Variants in KCNJ6 observed in about 807,000 individuals in gnomAD.
The protein encoded by KCNJ6 is G protein-activated inward rectifier potassium channel 2.
A neutral mutation model predicts 34.2 loss-of-function variants in KCNJ6; 9 were observed. The observed-to-expected ratio is 0.26, with a 90% CI of 0.16 to 0.46. The LOEUF (loss-of-function observed/expected upper bound fraction) is 0.46. Among genes scored for constraint, KCNJ6 ranks in the 20% least tolerant of loss-of-function variants. The pLI is 1.00. For missense variants in KCNJ6, 236 were observed against 531.3 expected (o/e 0.44, Z 5.46); for synonymous variants, 196 against 207.1 (o/e 0.95, Z 0.46).
intron 3 of KCNJ6, among the ~76,000 whole-genome samples, chr21:37,647,782 C>T (rs1473654749): frequency 6.6e-6 from 1 of 152,212 alleles, no homozygotes; most frequent in Non-Finnish European, 1.5e-5. Flanking sequence ...TGACAGGGTG[C>T]TTCCTCATGT....
intron 3 of KCNJ6, among the ~76,000 whole-genome samples, chr21:37,688,100 A>G (rs922026055): frequency 6.6e-6 from 1 of 151,696 alleles, no homozygotes; most frequent in Non-Finnish European, 1.5e-5. Flanking sequence ...CTGATTTTTA[A>G]AGAGCTTGGC....
At chr21:37,761,391 A>AGTGTGTGTGTATATTTGTGTATGTG (rs1568838754) in intron 2 of KCNJ6, among the ~76,000 whole-genome samples, 2 of 141,414 alleles carry the variant, frequency 1.4e-5, no homozygotes, top group Admixed American at 1.4e-4. Flanking sequence ...TGTTGTATGT[A>AGTGTGTGTGTATATTTGTGTATGTG]GTGTGTGTGT....
At chr21:37,832,368 G>A (rs1055516348) in intron 2 of KCNJ6, among the ~76,000 whole-genome samples, 2 of 151,816 alleles carry the variant, frequency 1.3e-5, no homozygotes, top group African/African-American at 4.8e-5. Flanking sequence ...GACCATATAC[G>A]ATGAACAGCT....
chr21:37,659,623 C>T (rs1351652777), intron 3 of KCNJ6, among the ~76,000 whole-genome samples: 3 of 152,230 alleles, frequency 2.0e-5, no homozygotes, highest in South Asian at 2.1e-4. Context: ...CAGATCCCCC[C>T]GACCTGGGGT....
chr21:37,661,105 T>C (rs2054486264), intron 3 of KCNJ6, among the ~76,000 whole-genome samples: 1 of 152,270 alleles, frequency 6.6e-6, no homozygotes, highest in Non-Finnish European at 1.5e-5. Context: ...TCTATGTTTC[T>C]GAAATTTTCA....
chr21:37,761,692 T>C (rs1010348023), intron 2 of KCNJ6, among the ~76,000 whole-genome samples: 4 of 150,146 alleles, frequency 2.7e-5, no homozygotes, highest in Non-Finnish European at 5.9e-5. Flanking sequence ...TTTGCGTGTG[T>C]GTTGTATGTA....
intron 1 of KCNJ6, among the ~76,000 whole-genome samples, chr21:37,842,522 G>T (rs2123580204): frequency 6.6e-6 from 1 of 152,332 alleles, no homozygotes; most frequent in African/African-American, 2.4e-5. Context: ...TCAGCACGCT[G>T]CCTCTTACTT....
chr21:37,707,733 G>GTGTGTGTGTGTGTGTGTATA (rs1237113944), intron 3 of KCNJ6, among the ~76,000 whole-genome samples: 1 of 149,898 alleles, frequency 6.7e-6, no homozygotes, highest in Non-Finnish European at 1.5e-5. Context: ...ATGTGTGTGT[G>GTGTGTGTGTGTGTGTGTATA]TGAATAATTT....
At chr21:37,657,670 C>G (rs2123394907) in intron 3 of KCNJ6, among the ~76,000 whole-genome samples, 1 of 152,324 alleles carries the variant, frequency 6.6e-6, no homozygotes, top group South Asian at 2.1e-4. Context: ...GTGCCCCTCA[C>G]TTTCTGGACT....
rs1216248974 is a variant in KCNJ6 at position 37,612,169 on chromosome 21, G to A, written c.*12990C>T. The A allele has an allele frequency of 6.6e-6, 1 of 152,156 alleles. No homozygotes were observed. Among genetic ancestry groups the A allele is most frequent in the African/African-American group, 2.4e-5 (1 of 41,462 alleles). 9.4% of individuals were successfully genotyped at this position (152,156 alleles called of 1,614,324 possible). A position where few individuals can be genotyped will look rare whatever the true frequency, so the allele number is the denominator to read the frequency against. ...ATAAGGGATTATAGCAAGATTTTAG[G>A]ATTCAAAGTTAATATACAAAGTCAA... On this transcript the variant is annotated 3_prime_UTR_variant, in exon 4 of 4. Transcript: ENST00000609713.
At chr21:37,721,925 A>C (rs1443226520) in intron 2 of KCNJ6, among the ~76,000 whole-genome samples, 1 of 152,220 alleles carries the variant, frequency 6.6e-6, no homozygotes, top group Non-Finnish European at 1.5e-5. Context: ...TCTGAAAAGC[A>C]AGCACAGGAA....
intron 3 of KCNJ6, among the ~76,000 whole-genome samples, chr21:37,667,186 T>TAAAAAAAAAAAAA (rs1569441641): frequency 1.4e-3 from 120 of 86,800 alleles, no homozygotes; most frequent in Non-Finnish European, 2.0e-3. Flanking sequence ...AAAAAAAAAT[T>TAAAAAAAAAAAAA]AAATGAGGCA....
intron 2 of KCNJ6, among the ~76,000 whole-genome samples, chr21:37,719,860 G>T (rs978412246): frequency 2.6e-5 from 4 of 152,202 alleles, no homozygotes; most frequent in Admixed American, 2.0e-4. Context: ...AGCTCTTGTT[G>T]CAGGGAAGCC....
At chr21:37,870,565 A>T (rs1286152501) in intron 1 of KCNJ6, among the ~76,000 whole-genome samples, 1 of 147,086 alleles carries the variant, frequency 6.8e-6, no homozygotes, top group African/African-American at 2.6e-5. Context: ...ACAGTACATT[A>T]AAAATACTTA....
chr21:37,805,828 G>A (rs1311744310), intron 2 of KCNJ6, among the ~76,000 whole-genome samples: 1 of 152,192 alleles, frequency 6.6e-6, no homozygotes, highest in Non-Finnish European at 1.5e-5. Context: ...GCGTCTGCAA[G>A]CCAAGGAATG....
intron 3 of KCNJ6, among the ~76,000 whole-genome samples, chr21:37,654,177 C>T (rs930878032): frequency 4.9e-5 from 7 of 143,768 alleles, no homozygotes; most frequent in African/African-American, 1.8e-4. Flanking sequence ...CACAGTGGCT[C>T]GTTTGTTAGT....
intron 1 of KCNJ6, among the ~76,000 whole-genome samples, chr21:37,863,974 A>C (rs2055608989): frequency 6.6e-6 from 1 of 151,324 alleles, no homozygotes; most frequent in Non-Finnish European, 1.5e-5. Context: ...CCATATGAAA[A>C]TATCAGCTTT....
At chr21:37,881,910 G>A (rs781142434) in intron 1 of KCNJ6, among the ~76,000 whole-genome samples, 8 of 152,238 alleles carry the variant, frequency 5.3e-5, no homozygotes, top group Non-Finnish European at 1.0e-4. Context: ...CAGTAAATAG[G>A]GCAGTGCTAA....
chr21:37,733,754 G>A (rs866649406), intron 2 of KCNJ6, among the ~76,000 whole-genome samples: 2 of 152,318 alleles, frequency 1.3e-5, no homozygotes, highest in Middle Eastern at 3.4e-3. Context: ...GGCAGGTTTC[G>A]GTTGATGGGA....
Sources: gnomAD v4.1 joint callset for allele counts (sites outside exome capture counted in the v4.1 genomes callset) on GRCh38, gnomAD v4.1.1 for gene constraint, MANE v1.5 for transcripts, NCBI Gene and HGNC (gene_info 2026-07-23, HGNC 2026-07-21) for gene names.